The following AADACL4 variants were observed in gnomAD, a reference collection of about 807,000 sequenced individuals.
AADACL4 encodes the protein arylacetamide deacetylase like 4, also known as arylacetamide deacetylase-like 4.
AADACL4 carries 9 observed loss-of-function variants against 14.1 expected under a neutral mutation model. That is an observed-to-expected ratio of 0.64 (90% CI 0.39 to 1.12). AADACL4 has a LOEUF of 1.12. Ranked by LOEUF, AADACL4 falls within the 50% of genes most tolerant of loss-of-function variation. The probability of loss-of-function intolerance (pLI) is 0.01; values close to 1 mark genes in which losing one functional copy is unlikely to be tolerated. For synonymous variants in AADACL4, 188 were observed against 201.6 expected (o/e 0.93, Z 0.57); for missense variants, 531 against 516.1 (o/e 1.03, Z -0.28).
chr1:12,651,152 C>G lies in AADACL4; in HGVS notation c.198C>G (p.Cys66Trp), dbSNP rs970454738. Residue 66 changes from cysteine (C) to tryptophan (W), a missense_variant, in exon 2 of 4, where the codon TGC (cysteine) becomes TGG (tryptophan). By Grantham distance (215) the Cys-to-Trp change is radical. Coordinates refer to ENST00000376221, the MANE Select transcript of AADACL4 (RefSeq NM_001013630.2). ...LGNIFEKLGI[C>W]SMPKFIRFLH... ...ATATATTTGAGAAGCTGGGAATTTG[C>G]TCCATGCCCAAATTTATTCGTTTTT... 1 of 1,614,196 alleles carries G rather than the reference C, an allele frequency of 6.2e-7. No individual in the cohort carries two copies. The highest frequency in any genetic ancestry group is 1.1e-5 in the South Asian group (1 of 91,080).
chr1:12,655,007 G>A (rs565967485), intron 2 of AADACL4, among the ~76,000 whole-genome samples: 13 of 152,246 alleles, frequency 8.5e-5, no homozygotes, highest in Admixed American at 3.3e-4. Flanking sequence ...TAAACGGCTC[G>A]GACACTCAGC....
rs532423648 is a variant in AADACL4 at position 12,666,335 on chromosome 1, C to T, written c.824C>T (p.Pro275Leu). 3.7e-6 allele frequency: 6 copies of T among 1,614,208 alleles called. No homozygotes were observed. Among genetic ancestry groups the T allele is most frequent in the East Asian group, 2.2e-5 (1 of 44,888 alleles). The change falls in exon 4 of 4, where the codon CCA becomes CTA. Residue 275 changes from proline (P) to leucine (L), a missense_variant. Transcript: ENST00000376221. ...DAILNGTCVPPDVWRKYEKWL... is the reference protein window; with the variant it reads ...DAILNGTCVPLDVWRKYEKWL... ...ATCTTGAACGGCACTTGTGTACCCC[C>T]AGACGTCTGGAGGAAGTACGAGAAG...
Sources: allele counts gnomAD v4.1 joint callset (sites outside exome capture counted in the v4.1 genomes callset), GRCh38; gene constraint gnomAD v4.1.1; transcripts MANE v1.5; gene names NCBI Gene and HGNC (gene_info 2026-07-23, HGNC 2026-07-21).